The following RTTN variants were observed in gnomAD, a reference collection of about 807,000 sequenced individuals.
RTTN encodes the protein rotatin.
In RTTN, 182 loss-of-function variants were observed where a neutral mutation model predicts 269.2. That is an observed-to-expected ratio of 0.68 (90% CI 0.60 to 0.76). RTTN has a LOEUF of 0.76. Among genes scored for constraint, RTTN ranks in the 30% least tolerant of loss-of-function variants. The pLI, the probability that RTTN is intolerant of heterozygous loss-of-function variation, is 0.00. For synonymous variants in RTTN, 1,006 were observed against 963.5 expected, an observed-to-expected ratio of 1.04 and a Z score of -0.82; for missense variants, 2,545 against 2,608.6, an observed-to-expected ratio of 0.98 and a Z score of 0.53.
At chr18:70,115,610 AT>A (rs760605391) in intron 26 of RTTN, among the ~76,000 whole-genome samples, 1 of 152,092 alleles carries the variant, frequency 6.6e-6, no homozygotes, top group East Asian at 1.9e-4. Flanking sequence ...GGGAACATAG[AT>A]TTATAAAGAG....
intron 25 of RTTN, among the ~76,000 whole-genome samples, chr18:70,126,924 TGAA>T (rs776800867): frequency 2.6e-5 from 4 of 152,158 alleles, no homozygotes; most frequent in Non-Finnish European, 5.9e-5. Context: ...TAAAGTCACA[TGAA>T]GAATAAAATG....
At chr18:70,041,789 A>G (rs1161567602) in intron 40 of RTTN, among the ~76,000 whole-genome samples, 1 of 152,106 alleles carries the variant, frequency 6.6e-6, no homozygotes, top group Non-Finnish European at 1.5e-5. Flanking sequence ...AAATTGTGCA[A>G]ACTAAATTCT....
rs116198591 is a variant in RTTN at position 70,147,521 on chromosome 18, T to C, written c.2309+1380A>G. 2.9e-3 allele frequency among the ~76,000 whole-genome samples: 441 copies of C among 152,246 alleles called. 4 individuals carry two copies. The highest frequency in any genetic ancestry group is 0.01 in the African/African-American group (419 of 41,554). ...CATTTCTCAGGATGCATCCATGTCA[T>C]TAAGCAACGCATGACTGTGTATTTA... On this transcript the variant is annotated intron_variant, in intron 17 of 48. Coordinates refer to ENST00000640769, the MANE Select transcript of RTTN (RefSeq NM_173630.4).
At chr18:70,170,653 C>T (rs560636694) in intron 11 of RTTN, among the ~76,000 whole-genome samples, 1 of 152,216 alleles carries the variant, frequency 6.6e-6, no homozygotes, top group East Asian at 1.9e-4. Flanking sequence ...TCAGTTAAGG[C>T]TTTGGGTCGT....
intron 45 of RTTN, among the ~76,000 whole-genome samples, chr18:70,018,625 C>T (rs1568246655): frequency 6.6e-6 from 1 of 152,086 alleles, no homozygotes; most frequent in African/African-American, 2.4e-5. Flanking sequence ...ATGAAATGAG[C>T]TACAGAAATA....
intron 32 of RTTN, among the ~76,000 whole-genome samples, chr18:70,081,573 C>G (rs890455110): frequency 1.4e-4 from 22 of 152,010 alleles, no homozygotes; most frequent in Non-Finnish European, 2.9e-4. Context: ...GCCAAAAATG[C>G]GTAACTCAAA....
chr18:70,142,216 T>C, intron 19 of RTTN, 72 bp downstream of exon 19: 1 of 993,562 alleles, frequency 1.0e-6, no homozygotes, highest in Non-Finnish European at 1.6e-6. Context: ...TGCCAACTCC[T>C]GCCAGTACCA....
At chr18:70,120,565 A>G (rs1254908216) in intron 26 of RTTN, among the ~76,000 whole-genome samples, 1 of 152,004 alleles carries the variant, frequency 6.6e-6, no homozygotes, top group Non-Finnish European at 1.5e-5. Context: ...CCTCTTTTCT[A>G]GTTTTGTTTT....
At position 70,035,476 on chromosome 18, in the gene RTTN, G is replaced by A. The variant is rs192278019; in HGVS notation, c.5542-4495C>T. Among the ~76,000 whole-genome samples, 14 of 152,224 alleles carry A rather than the reference G, an allele frequency of 9.2e-5. No homozygotes were observed. In the East Asian group the frequency reaches 1.5e-3, roughly 17 times the overall value. ...ACAATGGGGAAAGAACTCCCTGTTC[G>A]ATAAATGGTGCTGGGATAACTGACT... is the stretch of plus-strand genomic sequence containing the variant. On this transcript the variant is annotated intron_variant, in intron 40 of 48. Transcript: ENST00000640769.
intron 14 of RTTN, among the ~76,000 whole-genome samples, chr18:70,158,135 A>G (rs2060732489): frequency 6.6e-6 from 1 of 152,150 alleles, no homozygotes; most frequent in South Asian, 2.1e-4. Context: ...ACCACCCCCA[A>G]GACACATAGT....
In RTTN at chr18:70,192,669, C is replaced by CA. The variant is rs11313917; in HGVS notation, c.1007+618dup. Among the ~76,000 whole-genome samples the CA allele has an allele frequency of 8.3e-3, 741 of 89,656 alleles. 8 individuals are homozygous for CA. Among genetic ancestry groups the CA allele is most frequent in the African/African-American group, 0.025 (559 of 22,796 alleles). 58.8% of individuals were successfully genotyped at this position (89,656 alleles called of 152,430 possible). A position where few individuals can be genotyped will look rare whatever the true frequency, so the allele number is the denominator to read the frequency against. ...TAGGCAAGAGAGTGAGACCTTGTCT[C>CA]AAAAAAAAAAAAAAAAAAAAGAAAA... On this transcript the variant is annotated intron_variant, in intron 8 of 48. Coordinates refer to ENST00000640769, the MANE Select transcript of RTTN (RefSeq NM_173630.4).
chr18:70,124,854 T>C (rs182801997), intron 25 of RTTN, among the ~76,000 whole-genome samples: 159 of 152,116 alleles, frequency 1.0e-3, no homozygotes, highest in Middle Eastern at 3.4e-3. Context: ...GTCTACAGTC[T>C]GGTGAAAAAT....
intron 25 of RTTN, 69 bp from the exon 26 acceptor site, chr18:70,121,769 A>C: frequency 7.3e-7 from 1 of 1,363,070 alleles, no homozygotes; most frequent in African/African-American, 1.5e-5. Context: ...TTCATCATAG[A>C]TATGTGGACT....
At chr18:70,098,498 G>A (rs561357475) in intron 28 of RTTN, among the ~76,000 whole-genome samples, 1 of 152,208 alleles carries the variant, frequency 6.6e-6, no homozygotes, top group African/African-American at 2.4e-5. Context: ...CACTAGAGGA[G>A]CTGACTTTCT....
At chr18:70,139,503 A>C (rs2060203734) in intron 21 of RTTN, 96 bp downstream of exon 21, 1 of 741,702 alleles carries the variant, frequency 1.3e-6, no homozygotes, top group African/African-American at 1.8e-5. Flanking sequence ...CTGTTGTTCT[A>C]ATAGTAAAAT....
intron 32 of RTTN, among the ~76,000 whole-genome samples, chr18:70,078,391 C>A (rs914355257): frequency 6.6e-6 from 1 of 151,804 alleles, no homozygotes; most frequent in East Asian, 1.9e-4. Flanking sequence ...GTTACCACTA[C>A]AATCATTTTG....
At chr18:70,173,938 C>G (rs1306710977) in intron 11 of RTTN, among the ~76,000 whole-genome samples, 1 of 152,054 alleles carries the variant, frequency 6.6e-6, no homozygotes, top group African/African-American at 2.4e-5. Flanking sequence ...ATTTAAACAA[C>G]ATTCAAAACA....
chr18:70,042,525 G>A (rs775994870), intron 40 of RTTN, among the ~76,000 whole-genome samples: 3 of 152,034 alleles, frequency 2.0e-5, no homozygotes, highest in East Asian at 3.9e-4. Context: ...ACAGGTGCCC[G>A]CCGCCATGTC....
chr18:70,070,131 A>G (rs1340238748), intron 34 of RTTN, among the ~76,000 whole-genome samples: 42 of 152,272 alleles, frequency 2.8e-4, no homozygotes, highest in Admixed American at 2.7e-3. Flanking sequence ...ATGATAGACG[A>G]TTCTTGCATG....
Sources: gnomAD v4.1 joint callset for allele counts (sites outside exome capture counted in the v4.1 genomes callset) on GRCh38, gnomAD v4.1.1 for gene constraint, MANE v1.5 for transcripts, NCBI Gene and HGNC (gene_info 2026-07-23, HGNC 2026-07-21) for gene names.